EHMT1: variants seen among roughly 807,000 people sequenced by gnomAD.
The protein encoded by EHMT1 is histone-lysine N-methyltransferase EHMT1.
Under a neutral mutation model 147.2 loss-of-function variants are expected in EHMT1, and 15 were observed. The observed-to-expected ratio is 0.10, with a 90% CI of 0.07 to 0.16. EHMT1 has a LOEUF of 0.16. Among genes scored for constraint, EHMT1 ranks in the 10% least tolerant of loss-of-function variants. The pLI, the probability that EHMT1 is intolerant of heterozygous loss-of-function variation, is 1.00. For missense variants in EHMT1, 1,587 were observed against 1,772.4 expected (o/e 0.90, Z 1.88); for synonymous variants, 795 against 709.6 (o/e 1.12, Z -1.91).
At chr9:137,631,970 C>G (rs1412437126) in intron 1 of EHMT1, among the ~76,000 whole-genome samples, 1 of 152,162 alleles carries the variant, frequency 6.6e-6, no homozygotes, top group South Asian at 2.1e-4. Context: ...AGTGCACTGC[C>G]TTTTCTGTGT....
intron 21 of EHMT1, 125 bp from the exon 22 acceptor site, chr9:137,814,306 G>C (rs75767128): frequency 1.0e-5 from 10 of 998,534 alleles, no homozygotes; most frequent in Non-Finnish European, 1.6e-5. Flanking sequence ...ACACACTCAC[G>C]TGGTGCCTTT....
intron 19 of EHMT1, among the ~76,000 whole-genome samples, chr9:137,812,431 GTGTT>G (rs1348542484): frequency 6.6e-6 from 1 of 152,266 alleles, no homozygotes; most frequent in Non-Finnish European, 1.5e-5. Flanking sequence ...GATGGAGTGT[GTGTT>G]TGGCTGCTGG....
At chr9:137,747,888 T>C (rs113314629) in intron 6 of EHMT1, 1 of 152,204 alleles carries the variant, frequency 6.6e-6, no homozygotes, top group African/African-American at 2.4e-5. Context: ...CTCTGTAGGA[T>C]GGTCGTGTTT....
intron 26 of EHMT1, 105 bp from the exon 27 acceptor site, chr9:137,834,668 A>C: frequency 6.3e-7 from 1 of 1,599,646 alleles, no homozygotes; most frequent in Non-Finnish European, 8.5e-7. Flanking sequence ...GGGATGCGGC[A>C]CGGCAGATCG....
chr9:137,668,317 TTCACCCACCCACCAC>T (rs1388082617), intron 1 of EHMT1, among the ~76,000 whole-genome samples: 6 of 151,760 alleles, frequency 4.0e-5, no homozygotes, highest in African/African-American at 1.2e-4. Flanking sequence ...CTCCCTTCTA[TTCACCCACCCACCAC>T]TCACCCACCC....
intron 14 of EHMT1, among the ~76,000 whole-genome samples, chr9:137,781,304 G>A (rs1458319558): frequency 7.0e-5 from 9 of 128,360 alleles, no homozygotes; most frequent in Non-Finnish European, 1.5e-4. Flanking sequence ...TGGTGATGAC[G>A]GCATCACTGA....
In EHMT1 at chr9:137,628,005, C is replaced by T. The variant is rs111716901; in HGVS notation, c.21+8956C>T. Reference sequence around the variant, plus strand: ...GATTACAGGTGTGAGCCACCATGCCCGGCCATTTTTGGTGGACCTTTTTAT... The same window carrying T: ...GATTACAGGTGTGAGCCACCATGCCTGGCCATTTTTGGTGGACCTTTTTAT... On this transcript the variant is annotated intron_variant, in intron 1 of 26. Coordinates refer to ENST00000460843, the MANE Select transcript of EHMT1 (RefSeq NM_024757.5). Among the ~76,000 whole-genome samples, 49 of 152,280 alleles carry T rather than the reference C, an allele frequency of 3.2e-4. 1 individual carries two copies. The highest frequency in any genetic ancestry group is 7.5e-4 in the African/African-American group (31 of 41,572).
At chr9:137,736,917 A>G (rs2135935423) in intron 4 of EHMT1, among the ~76,000 whole-genome samples, 1 of 151,302 alleles carries the variant, frequency 6.6e-6, no homozygotes, top group East Asian at 1.9e-4. Flanking sequence ...ATATACAGAG[A>G]TTTGGCTGGG....
At chr9:137,780,377 G>GTGA (rs1951321839) in intron 14 of EHMT1, among the ~76,000 whole-genome samples, 1 of 142,062 alleles carries the variant, frequency 7.0e-6, no homozygotes, top group Admixed American at 6.9e-5. Context: ...GCTGAGACGT[G>GTGA]TGATGACGCT....
chr9:137,777,016 T>G (rs562575172), intron 12 of EHMT1, 172 bp downstream of exon 12: 1 of 679,678 alleles, frequency 1.5e-6, no homozygotes. Flanking sequence ...TTGCCATTTG[T>G]GCATACGTTG....
intron 4 of EHMT1, among the ~76,000 whole-genome samples, chr9:137,736,752 G>A (rs369755603): frequency 2.6e-5 from 4 of 152,154 alleles, no homozygotes; most frequent in Admixed American, 6.5e-5. Context: ...TTAGCTGGGC[G>A]TGGTGGCACG....
chr9:137,708,649 C>T (rs184051217), intron 1 of EHMT1, among the ~76,000 whole-genome samples: 2 of 152,264 alleles, frequency 1.3e-5, no homozygotes, highest in Admixed American at 6.5e-5. Flanking sequence ...ACATGTGTTT[C>T]GAAAATTCAA....
At chr9:137,818,197 T>C in intron 25 of EHMT1, 59 bp downstream of exon 25, 1 of 1,574,052 alleles carries the variant, frequency 6.4e-7, no homozygotes, top group Non-Finnish European at 8.7e-7. Context: ...AACCTGAATG[T>C]GTTTGTCCCA....
At chr9:137,673,750 C>A (rs760731457) in intron 1 of EHMT1, among the ~76,000 whole-genome samples, 5 of 152,102 alleles carry the variant, frequency 3.3e-5, no homozygotes, top group Non-Finnish European at 7.4e-5. Context: ...ATGTTAAGGC[C>A]CGTCATTTCA....
chr9:137,622,807 T>C (rs900047467), intron 1 of EHMT1, among the ~76,000 whole-genome samples: 1 of 149,780 alleles, frequency 6.7e-6, no homozygotes, highest in African/African-American at 2.5e-5. Context: ...CTTGAGGGGC[T>C]GAGGTGGGAG....
At chr9:137,751,237 G>A (rs1948943021) in intron 6 of EHMT1, among the ~76,000 whole-genome samples, 1 of 152,220 alleles carries the variant, frequency 6.6e-6, no homozygotes, top group African/African-American at 2.4e-5. Context: ...AAACCTGGAA[G>A]CCATGAAGGA....
chr9:137,653,284 G>A (rs1043133812), intron 1 of EHMT1, among the ~76,000 whole-genome samples: 1 of 152,172 alleles, frequency 6.6e-6, no homozygotes, highest in African/African-American at 2.4e-5. Flanking sequence ...GTCGCCTGCA[G>A]TATTCAACAC....
At chr9:137,743,234 C>A in intron 4 of EHMT1, 137 bp from the exon 5 acceptor site, 1 of 1,012,260 alleles carries the variant, frequency 9.9e-7, no homozygotes, top group Non-Finnish European at 1.4e-6. Context: ...GACCTGCGGG[C>A]AGTGGGCCTG....
chr9:137,690,465 C>T (rs1397366325), intron 1 of EHMT1, among the ~76,000 whole-genome samples: 1 of 149,252 alleles, frequency 6.7e-6, no homozygotes, highest in Non-Finnish European at 1.5e-5. Context: ...GCTGTGATTG[C>T]CTCACTGCAC....
Sources: gnomAD v4.1 joint callset for allele counts (sites outside exome capture counted in the v4.1 genomes callset) on GRCh38, gnomAD v4.1.1 for gene constraint, MANE v1.5 for transcripts, NCBI Gene and HGNC (gene_info 2026-07-23, HGNC 2026-07-21) for gene names.